The following GLYCTK variants were observed in gnomAD, a reference collection of about 807,000 sequenced individuals.
GLYCTK encodes glycerate kinase.
A neutral mutation model predicts 24.8 loss-of-function variants in GLYCTK; 22 were observed. That is an observed-to-expected ratio of 0.89 (90% CI 0.63 to 1.27). The LOEUF is 1.27. Among genes scored for constraint, GLYCTK ranks in the 50% most tolerant of loss-of-function variants. The pLI, the probability that GLYCTK is intolerant of heterozygous loss-of-function variation, is 0.00. For synonymous variants in GLYCTK, 320 were observed against 297.2 expected (o/e 1.08, Z -0.79); for missense variants, 684 against 686.7 (o/e 1.00, Z 0.04).
chr3:52,289,650 C>T (rs1202634597), intron 1 of GLYCTK, among the ~76,000 whole-genome samples: 3 of 152,232 alleles, frequency 2.0e-5, no homozygotes, highest in Non-Finnish European at 4.4e-5. Flanking sequence ...GAACCTAAAC[C>T]TCTTGCTGAA....
intron 4 of GLYCTK, 93 bp downstream of exon 4, chr3:52,292,015 G>T: frequency 7.5e-7 from 1 of 1,338,188 alleles, no homozygotes; most frequent in Non-Finnish European, 1.0e-6. Context: ...ATATAGATTG[G>T]CAGGGGCATG....
chr3:52,290,117 G>C (rs1182480739), intron 1 of GLYCTK, 187 bp from the exon 2 acceptor site: 2 of 587,600 alleles, frequency 3.4e-6, no homozygotes, highest in Admixed American at 3.1e-5. Context: ...GGGTGGCAGG[G>C]CTGGTCTCCA....
chr3:52,291,624 C>A, intron 3 of GLYCTK, 123 bp from the exon 4 acceptor site: 1 of 899,320 alleles, frequency 1.1e-6, no homozygotes, highest in Non-Finnish European at 1.8e-6. Context: ...TGCATATCCA[C>A]AGGGGGGCAC....
In GLYCTK at chr3:52,291,039, C is replaced by T. The variant is rs199906865; in HGVS notation, c.457C>T (p.Arg153Trp). ...EDNLPDRDAL[R>W]AALAIQQLAE... The stretch of plus-strand genomic sequence containing the variant: ...CAACCTCCCGGACCGCGATGCGCTG[C>T]GGGCTGCACTGGCCATCCAGCAACT... Residue 153 changes from arginine to tryptophan, a missense_variant, in exon 3 of 5, where the codon CGG becomes TGG. Arg to Trp is a moderately radical substitution (Grantham distance 101). Transcript: ENST00000436784. 653 of 1,613,664 alleles carry T rather than the reference C, an allele frequency of 4.0e-4. 11 individuals are homozygous for T. The South Asian group carries it at 6.2e-3, about 15-fold the overall frequency.
chr3:52,294,330 T>C lies in GLYCTK; in HGVS notation c.*1204T>C, dbSNP rs1700578948. ...GCCTGGGGCTGCTCTTGCAGGCACT[T>C]CTTCCACCCCAACCCTCCCCTCCTC... On this transcript the variant is annotated 3_prime_UTR_variant, in exon 5 of 5. Transcript: ENST00000436784. 1.9e-6 allele frequency: 1 copy of C among 534,392 alleles called. No individual in the cohort carries two copies. The highest frequency in any genetic ancestry group is 1.4e-5 in the South Asian group (1 of 71,592). The allele number at this position is 534,392 out of a possible 1,614,324, so 33.1% of individuals were successfully genotyped here. A position where few individuals can be genotyped will look rare whatever the true frequency, so the allele number is the denominator to read the frequency against.
chr3:52,290,272 G>A (rs1487036630), intron 1 of GLYCTK, 32 bp from the exon 2 acceptor site: 1 of 1,547,690 alleles, frequency 6.5e-7, no homozygotes. Flanking sequence ...CTTTTGCCTT[G>A]CAAGGGCCTC....
chr3:52,294,937 A>G lies in GLYCTK; in HGVS notation c.*1811A>G, dbSNP rs1700592912. On this transcript the variant is annotated 3_prime_UTR_variant, in exon 5 of 5. Coordinates refer to ENST00000436784, the MANE Select transcript of GLYCTK (RefSeq NM_145262.4). ...TCTCTGAGTGTACACATAGATACTT[A>G]GTACAGGGCACATGACTCCCTGCAT... 2.2e-6 allele frequency: 1 copy of G among 453,926 alleles called. No homozygotes were observed. Among genetic ancestry groups the G allele is most frequent in the Admixed American group, 2.4e-5 (1 of 42,552 alleles). 28.1% of individuals were successfully genotyped at this position (453,926 alleles called of 1,614,324 possible). A position where few individuals can be genotyped will look rare whatever the true frequency, so the allele number is the denominator to read the frequency against.
chr3:52,290,676 GT>G lies in GLYCTK; in HGVS notation c.336del (p.Lys114ArgfsTer17). 6.2e-7 allele frequency: 1 copy of G among 1,613,436 alleles called. No homozygotes were observed. Among genetic ancestry groups the G allele is most frequent in the East Asian group, 2.2e-5 (1 of 44,880 alleles). ...GQHLVQGVIS[V>X]PKGIRAAMER... The stretch of plus-strand genomic sequence containing the variant: ...GCATCTTGTGCAGGGCGTGATCAGC[GT>G]TCCCAAGGGGATCCGTGCTGCCATG... On this transcript the variant is annotated frameshift_variant, in exon 2 of 5. Transcript: ENST00000436784. LOFTEE classifies it high-confidence loss of function.
chr3:52,288,954 CAA>C (rs1271942490), intron 1 of GLYCTK: 5 of 152,306 alleles, frequency 3.3e-5, no homozygotes, highest in African/African-American at 1.2e-4. Context: ...GCAAAATGGT[CAA>C]AGTCTAGAAG....
Position 52,294,785 on chromosome 3 carries a change from G to C in GLYCTK, c.*1659G>C. 1 of 453,738 alleles carries C rather than the reference G, an allele frequency of 2.2e-6. No individual in the cohort carries two copies. Among genetic ancestry groups the C allele is most frequent in the African/African-American group, 2.0e-5 (1 of 50,098 alleles). The allele number at this position is 453,738 out of a possible 1,614,324, so 28.1% of individuals were successfully genotyped here. ...GGGTTCCAAGTTCCAGGCAAAAGCA[G>C]GATAGGAGAGCTGGGGCAGGGGCTG... On this transcript the variant is annotated 3_prime_UTR_variant, in exon 5 of 5. Coordinates refer to ENST00000436784, the MANE Select transcript of GLYCTK (RefSeq NM_145262.4).
Position 52,292,511 on chromosome 3 carries a change from C to T in GLYCTK, c.957C>T (p.Ala319=). 1 of 1,613,802 alleles carries T rather than the reference C, an allele frequency of 6.2e-7. No individual in the cohort carries two copies. The highest frequency in any genetic ancestry group is 8.5e-7 in the Non-Finnish European group (1 of 1,180,000). ...IGSNVLALAE[A]QRQAEALGYQ... is the part of the protein sequence containing the mutation. ...CTAATGTGCTGGCGCTAGCTGAGGC[C>T]CAGCGGCAGGCCGAGGCACTGGGCT... Residue 319 remains alanine, a synonymous_variant, in exon 5 of 5, where the codon GCC becomes GCT. Coordinates refer to ENST00000436784, the MANE Select transcript of GLYCTK (RefSeq NM_145262.4).
In GLYCTK at chr3:52,294,216, G is replaced by C. The variant is rs1437491410; in HGVS notation, c.*1090G>C. ...TTGCTCAGTGTCAGAACCCTCCGCT[G>C]GCTGTCCCCGCCGTGCGCCACGGCT... On this transcript the variant is annotated 3_prime_UTR_variant, in exon 5 of 5. Coordinates refer to ENST00000436784, the MANE Select transcript of GLYCTK (RefSeq NM_145262.4). The C allele has an allele frequency of 3.7e-6, 2 of 534,564 alleles. No individual in the cohort carries two copies. Among genetic ancestry groups the C allele is most frequent in the African/African-American group, 1.9e-5 (1 of 51,972 alleles). The allele number at this position is 534,564 out of a possible 1,614,324, so 33.1% of individuals were successfully genotyped here.
chr3:52,291,912 A>G lies in GLYCTK; in HGVS notation c.695A>G (p.Tyr232Cys). ...LKGGGLAQAA[Y>C]PAQVVSLILS... ...GGTGGGGGGCTGGCTCAGGCCGCCT[A>G]CCCTGCCCAGGTATGAGTCCCTTCT... Residue 232 changes from tyrosine (Y) to cysteine (C), a missense_variant, in exon 4 of 5, where the codon TAC becomes TGC. Physicochemically the swap from Tyr to Cys is radical, Grantham distance 194. Coordinates refer to ENST00000436784, the MANE Select transcript of GLYCTK (RefSeq NM_145262.4). 6.2e-7 allele frequency: 1 copy of G among 1,612,680 alleles called. No individual in the cohort carries two copies. Among genetic ancestry groups the G allele is most frequent in the Non-Finnish European group, 8.5e-7 (1 of 1,179,490 alleles).
In GLYCTK at chr3:52,290,724, G is replaced by A. The variant is rs1244805306; in HGVS notation, c.377+5G>A. 2.5e-6 allele frequency: 4 copies of A among 1,609,072 alleles called. No individual in the cohort carries two copies. The highest frequency in any genetic ancestry group is 2.5e-6 in the Non-Finnish European group (3 of 1,176,806). On this transcript the variant is annotated splice_donor_5th_base_variant and intron_variant, in intron 2 of 4. Transcript: ENST00000436784. ...CATGGAGCGTGCCGGCAAGCAGTAA[G>A]GAGCCATGGGGGCCTGCCTCCCTCT...
intron 1 of GLYCTK, 21 bp from the exon 2 acceptor site, chr3:52,290,283 A>G: frequency 6.4e-7 from 1 of 1,570,438 alleles, no homozygotes; most frequent in Non-Finnish European, 8.6e-7. Flanking sequence ...CAAGGGCCTC[A>G]GTTGTGCTTT....
At chr3:52,291,252 A>C in intron 3 of GLYCTK, 141 bp downstream of exon 3, 1 of 1,073,756 alleles carries the variant, frequency 9.3e-7, no homozygotes. Flanking sequence ...CTGGATGGTG[A>C]CTCCTGGGTT....
chr3:52,292,121 C>CGTGAG (rs1442262780), intron 4 of GLYCTK, 139 bp from the exon 5 acceptor site: 2 of 1,272,110 alleles, frequency 1.6e-6, no homozygotes, highest in African/African-American at 2.9e-5. Context: ...TGCAAGCCCA[C>CGTGAG]GTGAGAGGAG....
chr3:52,292,008 T>C, intron 4 of GLYCTK, 86 bp downstream of exon 4: 1 of 1,371,174 alleles, frequency 7.3e-7, no homozygotes, highest in Non-Finnish European at 1.0e-6. Context: ...GAACAGCATA[T>C]AGATTGGCAG....
At chr3:52,291,545 A>C in intron 3 of GLYCTK, 3 of 600,232 alleles carry the variant, frequency 5.0e-6, no homozygotes, top group East Asian at 5.5e-5. Context: ...TCCGGTGCCT[A>C]CTGGGACCTG....
Sources: gnomAD v4.1 joint callset for allele counts (sites outside exome capture counted in the v4.1 genomes callset) on GRCh38, gnomAD v4.1.1 for gene constraint, MANE v1.5 for transcripts, NCBI Gene and HGNC (gene_info 2026-07-23, HGNC 2026-07-21) for gene names.